ABLIM1: variants seen among roughly 807,000 people sequenced by gnomAD.
ABLIM1 encodes actin-binding LIM protein 1.
A neutral mutation model predicts 107.0 loss-of-function variants in ABLIM1; 40 were observed. That is an observed-to-expected ratio of 0.37 (90% CI 0.29 to 0.49). The LOEUF (loss-of-function observed/expected upper bound fraction) is 0.49. Ranked by LOEUF, ABLIM1 falls within the 20% of genes least tolerant of loss-of-function variation. The pLI is 0.97. For synonymous variants in ABLIM1, 357 were observed against 357.3 expected (o/e 1.00, Z 0.01); for missense variants, 857 against 1,008.5 (o/e 0.85, Z 2.04).
chr10:114,468,108 A>G (rs572394554), intron 11 of ABLIM1, 73 bp downstream of exon 11: 33 of 1,358,388 alleles, frequency 2.4e-5, no homozygotes, highest in Admixed American at 1.4e-4. Context: ...TTTTTCAAAA[A>G]TCCCAGTCTA....
At chr10:114,687,786 C>T (rs909831265), upstream of ABLIM1, among the ~76,000 whole-genome samples, 2 of 152,054 alleles carry the variant, frequency 1.3e-5, no homozygotes, top group African/African-American at 4.8e-5. Context: ...AATTGAATTC[C>T]ACATGAAAAA....
At position 114,575,509 on chromosome 10, in the gene ABLIM1, C is replaced by A. The variant is rs202220476; in HGVS notation, c.470G>T (p.Arg157Leu). The change falls in exon 3 of 23, where the codon CGC (arginine) becomes CTC (leucine). Residue 157 changes from arginine (R) to leucine (L), a missense_variant. Arg to Leu is a moderately radical substitution (Grantham distance 102). Transcript: ENST00000533213. ...CACGAACTCCCCACAGCCATGGCAG[C>A]GTGTCCCGTACATCCGCTGGTAGTC... ...TLDYQRMYGT[R>L]CHGCGEFVEG... The A allele has an allele frequency of 6.8e-6, 11 of 1,614,100 alleles. No homozygotes were observed. Among genetic ancestry groups the A allele is most frequent in the Non-Finnish European group, 9.3e-6 (11 of 1,180,046 alleles).
chr10:114,470,228 G>A (rs1261661768), intron 10 of ABLIM1, among the ~76,000 whole-genome samples: 1 of 152,108 alleles, frequency 6.6e-6, no homozygotes, highest in Non-Finnish European at 1.5e-5. Context: ...TTCACGACCA[G>A]CCTGGCCAAC....
At position 114,629,598 on chromosome 10, in the gene ABLIM1, G is replaced by A. The variant is rs116137260; in HGVS notation, c.245-27637C>T. ...CCATCTTGTGACAGAGATAGCAGCT[G>A]TCAACACACTGGCAATTGTGGTCTC... On this transcript the variant is annotated intron_variant, in intron 1 of 22. Coordinates refer to ENST00000533213, the MANE Select transcript of ABLIM1 (RefSeq NM_002313.7). This position sits in a 1 kb window ranked among gnomAD's most constrained non-coding sequence, Gnocchi z 4.0. Among the ~76,000 whole-genome samples the A allele has an allele frequency of 0.012, 1,859 of 152,248 alleles. 35 individuals carry two copies. The highest frequency in any genetic ancestry group is 0.041 in the African/African-American group (1,721 of 41,546).
At chr10:114,511,577 G>T (rs1337552865) in intron 6 of ABLIM1, among the ~76,000 whole-genome samples, 1 of 151,914 alleles carries the variant, frequency 6.6e-6, no homozygotes, top group African/African-American at 2.4e-5. Flanking sequence ...TGTTGGCCAG[G>T]CTGTCTCAAA....
intron 1 of ABLIM1, among the ~76,000 whole-genome samples, chr10:114,637,185 C>T (rs1391617513): frequency 3.3e-5 from 5 of 152,122 alleles, no homozygotes; most frequent in Non-Finnish European, 5.9e-5. Flanking sequence ...GAGTGGCAGT[C>T]AGCTTCTCCG....
At chr10:114,798,559 C>CA in the ABLIM1 span, among the ~76,000 whole-genome samples, 1,993 of 141,968 alleles carry the variant, frequency 0.014, 84 homozygotes, top group African/African-American at 0.052. Flanking sequence ...TGATGAGACC[C>CA]CCCCCCCATG....
intron 1 of ABLIM1, among the ~76,000 whole-genome samples, chr10:114,643,474 T>C (rs1323298604): frequency 6.6e-6 from 1 of 152,224 alleles, no homozygotes; most frequent in African/African-American, 2.4e-5. Flanking sequence ...TCCTGTTTCT[T>C]GGACTTGGTA....
chr10:114,695,703 G>T lies in ABLIM1; in HGVS notation c.-213+72358C>A, dbSNP rs545501930. On this transcript the variant is annotated intron_variant, in intron 1 of 15. Coordinates refer to the ABLIM1 transcript ENST00000651092. ...ATTAAAGAATTCTGCTGCTAGAAATGGCAATGATAATGCAATGGCATTGGA... is the reference window on the plus strand; with the variant it reads ...ATTAAAGAATTCTGCTGCTAGAAATTGCAATGATAATGCAATGGCATTGGA... Among the ~76,000 whole-genome samples the T allele has an allele frequency of 6.5e-4, 99 of 152,238 alleles. 1 individual carries two copies. The highest frequency in any genetic ancestry group is 2.3e-3 in the African/African-American group (94 of 41,538).
At chr10:114,618,883 T>A (rs2077290825) in intron 1 of ABLIM1, among the ~76,000 whole-genome samples, 1 of 152,102 alleles carries the variant, frequency 6.6e-6, no homozygotes, top group Non-Finnish European at 1.5e-5. Context: ...GGTCGTGTGG[T>A]TTTCATGGCA....
intron 10 of ABLIM1, among the ~76,000 whole-genome samples, chr10:114,472,505 T>G (rs748385396): frequency 3.9e-5 from 6 of 152,210 alleles, no homozygotes; most frequent in Admixed American, 1.3e-4. Context: ...CACACTCCTG[T>G]GCTAGACTGT....
chr10:114,730,397 CAAAAAAAAAAAA>C (rs59713925), intron 1 of ABLIM1, among the ~76,000 whole-genome samples: 2 of 73,144 alleles, frequency 2.7e-5, no homozygotes, highest in East Asian at 4.9e-4. Context: ...AACTCCATCT[CAAAAAAAAAAAA>C]AAAAAAAAAA....
intron 1 of ABLIM1, among the ~76,000 whole-genome samples, chr10:114,743,564 T>A (rs2082327187): frequency 1.3e-5 from 2 of 152,202 alleles, no homozygotes; most frequent in Admixed American, 6.6e-5. Flanking sequence ...GTCTTCTCTA[T>A]TTTTTTCCTT....
chr10:114,637,815 T>C (rs751332191), intron 1 of ABLIM1, among the ~76,000 whole-genome samples: 1 of 152,170 alleles, frequency 6.6e-6, no homozygotes, highest in Admixed American at 6.5e-5. Context: ...GACTCACGAG[T>C]ACACAAGTAC....
chr10:114,704,446 T>C (rs1468444326), intron 1 of ABLIM1, among the ~76,000 whole-genome samples: 2 of 151,534 alleles, frequency 1.3e-5, no homozygotes, highest in African/African-American at 4.8e-5. Context: ...TTTTCATAAA[T>C]GGGGATTATC....
rs1565250089 is a variant in ABLIM1, at chr10:114,445,357, C to T, written c.1782G>A (p.Glu594=). The T allele has an allele frequency of 6.2e-7, 1 of 1,609,306 alleles. No homozygotes were observed. Among genetic ancestry groups the T allele is most frequent in the East Asian group, 2.2e-5 (1 of 44,600 alleles). The part of the protein sequence containing the change: ...RRSSGREEDD[E]ELLRRRQLQE... ...GAAGCTGCCGACGTCTCAGAAGTTC[C>T]TCATCATCTTCCTCTCTGCCACTAG... The change falls in exon 16 of 23, where the codon GAG becomes GAA. Residue 594 remains glutamate (E), a synonymous_variant. Transcript: ENST00000533213.
chr10:114,638,007 T>C (rs1262667929), intron 1 of ABLIM1, among the ~76,000 whole-genome samples: 1 of 152,188 alleles, frequency 6.6e-6, no homozygotes, highest in African/African-American at 2.4e-5. Flanking sequence ...TTCTGGTACT[T>C]ACCACCACCA....
At chr10:114,555,212 T>A (rs1203576855) in intron 4 of ABLIM1, among the ~76,000 whole-genome samples, 1 of 152,218 alleles carries the variant, frequency 6.6e-6, no homozygotes, top group Non-Finnish European at 1.5e-5. Flanking sequence ...GAAGTTTGCA[T>A]GTCTGTTATC....
At chr10:114,452,283 T>C (rs1181165504) in intron 13 of ABLIM1, among the ~76,000 whole-genome samples, 1 of 152,122 alleles carries the variant, frequency 6.6e-6, no homozygotes, top group Non-Finnish European at 1.5e-5. Flanking sequence ...ACTATGTATA[T>C]ATTTATACAA....
Sources: gnomAD v4.1 joint callset for allele counts (sites outside exome capture counted in the v4.1 genomes callset) on GRCh38, gnomAD v4.1.1 for gene constraint, Gnocchi (gnomAD v3.1) non-coding constraint, MANE v1.5 for transcripts, NCBI Gene and HGNC (gene_info 2026-07-23, HGNC 2026-07-21) for gene names.